The following CEP350 variants were observed in gnomAD, a reference collection of about 807,000 sequenced individuals.
CEP350 encodes centrosomal protein 350, also known as centrosome-associated protein 350.
In CEP350, 126 loss-of-function variants were observed where a neutral mutation model predicts 331.8. The ratio of observed to expected loss-of-function variants is 0.38; its 90% confidence interval spans 0.33 to 0.44. The LOEUF (loss-of-function observed/expected upper bound fraction) is 0.44, where lower values mean the gene tolerates loss of function less well. Among genes scored for constraint, CEP350 ranks in the 20% least tolerant of loss-of-function variants. The pLI is 1.00. For missense variants in CEP350, 3,406 were observed against 3,634.6 expected (o/e 0.94, Z 1.62); for synonymous variants, 1,200 against 1,259.5 (o/e 0.95, Z 1.00).
chr1:180,003,226 G>A lies in CEP350; in HGVS notation c.1071G>A (p.Gln357=). 6.2e-7 allele frequency: 1 copy of A among 1,613,452 alleles called. No homozygotes were observed. The highest frequency in any genetic ancestry group is 1.1e-5 in the South Asian group (1 of 90,950). Residue 357 remains glutamine (Q), a synonymous_variant, in exon 7 of 38, where the codon CAG becomes CAA. Transcript: ENST00000367607. ...KIRTPDGKVW[Q]EAEFQNMSRE... is the part of the protein sequence containing the mutation. ...GAACACCTGATGGGAAAGTGTGGCAGGAGGCTGAGTTTCAAAACATGAGTA... is the reference window on the plus strand; with the variant it reads ...GAACACCTGATGGGAAAGTGTGGCAAGAGGCTGAGTTTCAAAACATGAGTA...
At chr1:180,109,598 A>G (rs1421818325) in intron 37 of CEP350, among the ~76,000 whole-genome samples, 3 of 152,022 alleles carry the variant, frequency 2.0e-5, no homozygotes, top group African/African-American at 7.2e-5. Flanking sequence ...TCCCATTCAC[A>G]ATGTCATTTT....
At chr1:180,109,989 C>A (rs1346150007) in intron 37 of CEP350, among the ~76,000 whole-genome samples, 1 of 152,146 alleles carries the variant, frequency 6.6e-6, no homozygotes, top group African/African-American at 2.4e-5. Context: ...GTATTATAAA[C>A]AAGCAATAAA....
chr1:179,973,124 C>T (rs987843055), intron 1 of CEP350, among the ~76,000 whole-genome samples: 2 of 152,174 alleles, frequency 1.3e-5, no homozygotes, highest in African/African-American at 2.4e-5. Context: ...GCCTCAGCCT[C>T]CCAAAGTGCT....
rs1444832460 is a variant in CEP350 at position 179,998,402 on chromosome 1, A to G, written c.1018+1227A>G. 4.7e-5 allele frequency among the ~76,000 whole-genome samples: 7 copies of G among 148,538 alleles called. No homozygotes were observed. The East Asian group carries it at 1.4e-3, about 30-fold the overall frequency. On this transcript the variant is annotated intron_variant, in intron 6 of 37. Coordinates refer to ENST00000367607, the MANE Select transcript of CEP350 (RefSeq NM_014810.5). ...CGGCCCACTGCAACCTCTGCCTCCC[A>G]GATTCAAGCAGTTCTGCCTCAGCCT... is the stretch of plus-strand genomic sequence containing the variant.
At chr1:180,110,114 T>C (rs1186135413) in intron 37 of CEP350, among the ~76,000 whole-genome samples, 1 of 152,202 alleles carries the variant, frequency 6.6e-6, no homozygotes, top group South Asian at 2.1e-4. Context: ...TCAGCAATAT[T>C]ACATTTGAAA....
Position 180,025,879 on chromosome 1 carries a change from A to G in CEP350, c.3550+1297A>G, listed in dbSNP as rs187344662. ...ATATATACCTCTGTAACAAACCTGCATGTTCTGCACATGTATCCCAGAACT... is the reference window on the plus strand; with the variant it reads ...ATATATACCTCTGTAACAAACCTGCGTGTTCTGCACATGTATCCCAGAACT... On this transcript the variant is annotated intron_variant, in intron 14 of 37. Coordinates refer to ENST00000367607, the MANE Select transcript of CEP350 (RefSeq NM_014810.5). Among the ~76,000 whole-genome samples, 21 of 152,306 alleles carry G rather than the reference A, an allele frequency of 1.4e-4. No homozygotes were observed. In the Middle Eastern group the frequency reaches 0.02, roughly 148 times the overall value.
At chr1:180,073,951 C>A in intron 27 of CEP350, 1 of 1,298,274 alleles carries the variant, frequency 7.7e-7, no homozygotes, top group Non-Finnish European at 1.0e-6. Flanking sequence ...ATAGAGCATG[C>A]TCTGTTCTTT....
intron 32 of CEP350, among the ~76,000 whole-genome samples, chr1:180,088,319 C>G (rs1659979451): frequency 6.6e-6 from 1 of 150,906 alleles, no homozygotes; most frequent in Non-Finnish European, 1.5e-5. Flanking sequence ...ATTAGGAAGT[C>G]AGGTTATCAT....
rs781164773 is a variant in CEP350, at chr1:180,041,186, G to T, written c.4159G>T (p.Ala1387Ser). ...ERDLALLKLK[A>S]EQEALESQRQ... is the part of the protein sequence containing the mutation. ...AGACTTGGCCCTCTTGAAACTAAAG[G>T]CTGAACAAGAGGCTCTGGAGAGTCA... is the stretch of plus-strand genomic sequence containing the variant. Residue 1387 changes from alanine to serine, a missense_variant, in exon 18 of 38, where the codon GCT becomes TCT. This residue lies in a region of CEP350 where 1,857 missense variants were observed against 1,909.2 expected (regional missense o/e 0.97). Coordinates refer to ENST00000367607, the MANE Select transcript of CEP350 (RefSeq NM_014810.5). 1.9e-6 allele frequency: 3 copies of T among 1,598,672 alleles called. No individual in the cohort carries two copies. The highest frequency in any genetic ancestry group is 2.6e-6 in the Non-Finnish European group (3 of 1,172,604).
intron 17 of CEP350, 44 bp from the exon 18 acceptor site, chr1:180,041,094 A>T (rs746093585): frequency 2.1e-6 from 3 of 1,414,850 alleles, no homozygotes; most frequent in African/African-American, 2.9e-5. Flanking sequence ...CTGTGTTAAA[A>T]TAGTTTCGTA....
Position 180,042,132 on chromosome 1 carries a change from TCACA to T in CEP350, c.4362+363_4362+366del, listed in dbSNP as rs59048123. Among the ~76,000 whole-genome samples the T allele has an allele frequency of 2.5e-3, 365 of 146,818 alleles. 3 individuals are homozygous for T. Among genetic ancestry groups the T allele is most frequent in the African/African-American group, 3.9e-3 (156 of 39,826 alleles). On this transcript the variant is annotated intron_variant, in intron 19 of 37. Transcript: ENST00000367607. ...AGTATGCAATTTGGTGAGTTTTCTC[TCACA>T]CACACACACACACACACACACACAC...
intron 26 of CEP350, among the ~76,000 whole-genome samples, chr1:180,063,684 A>G (rs940574415): frequency 2.0e-5 from 3 of 152,066 alleles, no homozygotes; most frequent in African/African-American, 7.2e-5. Flanking sequence ...ATGGTGGCAT[A>G]CACCTATAGT....
intron 11 of CEP350, among the ~76,000 whole-genome samples, chr1:180,016,267 G>A (rs1206509096): frequency 1.3e-5 from 2 of 152,148 alleles, no homozygotes; most frequent in Non-Finnish European, 2.9e-5. Flanking sequence ...AATGAATGAT[G>A]GTGAAATTTT....
intron 22 of CEP350, among the ~76,000 whole-genome samples, chr1:180,050,176 A>G (rs1355773279): frequency 6.6e-6 from 1 of 152,240 alleles, no homozygotes; most frequent in Non-Finnish European, 1.5e-5. Context: ...ATGACTTCTT[A>G]GGTACGTAAC....
At position 180,070,945 on chromosome 1, in the gene CEP350, C is replaced by T. The variant is rs535695058; in HGVS notation, c.5568-4077C>T. ...TGGGCAGAACACGAGGTCAGGAGAT[C>T]GAGACCAACCTGGCCAACATGGTGA... On this transcript the variant is annotated intron_variant, in intron 27 of 37. Transcript: ENST00000367607. Among the ~76,000 whole-genome samples, 101 of 151,360 alleles carry T rather than the reference C, an allele frequency of 6.7e-4. 1 individual carries two copies. Among genetic ancestry groups the T allele is most frequent in the African/African-American group, 2.4e-3 (99 of 41,224 alleles).
chr1:180,059,618 T>C, intron 25 of CEP350, among the ~76,000 whole-genome samples: 2 of 152,110 alleles, frequency 1.3e-5, no homozygotes, highest in South Asian at 4.1e-4. Context: ...TTGTTTGAAT[T>C]GTGAGCCTTT....
At chr1:180,017,116 G>C (rs938269445) in intron 11 of CEP350, among the ~76,000 whole-genome samples, 6 of 152,148 alleles carry the variant, frequency 3.9e-5, no homozygotes, top group African/African-American at 1.4e-4. Flanking sequence ...GTTAGGTACT[G>C]TTGTTATTCC....
chr1:179,978,092 T>C (rs1571806191), intron 1 of CEP350, among the ~76,000 whole-genome samples: 1 of 152,190 alleles, frequency 6.6e-6, no homozygotes, highest in East Asian at 1.9e-4. Flanking sequence ...TCCAATATAG[T>C]TTTAAGAGAC....
intron 25 of CEP350, among the ~76,000 whole-genome samples, chr1:180,058,758 T>C (rs1362508787): frequency 6.6e-6 from 1 of 152,208 alleles, no homozygotes; most frequent in Non-Finnish European, 1.5e-5. Flanking sequence ...TTTGATCCAA[T>C]TGGTTACCCC....
Sources: gnomAD v4.1 joint callset for allele counts (sites outside exome capture counted in the v4.1 genomes callset) on GRCh38, gnomAD v4.1.1 for gene constraint, gnomAD v4.1.1 regional missense constraint, MANE v1.5 for transcripts, NCBI Gene and HGNC (gene_info 2026-07-23, HGNC 2026-07-21) for gene names.